The following CPEB1 variants were observed in gnomAD, a reference collection of about 807,000 sequenced individuals.
CPEB1 encodes cytoplasmic polyadenylation element binding protein 1.
Under a neutral mutation model 65.8 loss-of-function variants are expected in CPEB1, and 7 were observed. The observed-to-expected ratio is 0.11, with a 90% confidence interval of 0.06 to 0.20. The LOEUF is 0.20. CPEB1 is among the 10% of genes least tolerant of loss of function. CPEB1 has a pLI of 1.00. For synonymous variants in CPEB1, 262 were observed against 260.0 expected (o/e 1.01, Z -0.08); for missense variants, 551 against 712.2 (o/e 0.77, Z 2.58).
intron 3 of CPEB1, among the ~76,000 whole-genome samples, chr15:82,602,169 C>T (rs2151197619): frequency 1.3e-5 from 2 of 152,144 alleles, no homozygotes; most frequent in South Asian, 4.2e-4. Flanking sequence ...GTTCTATGAC[C>T]ATAGTGGAAT....
chr15:82,639,504 C>G (rs1327843520), intron 1 of CPEB1, among the ~76,000 whole-genome samples: 2 of 151,564 alleles, frequency 1.3e-5, no homozygotes, highest in Non-Finnish European at 1.5e-5. Flanking sequence ...TTTTTCCCCA[C>G]TTAACTTAGT....
intron 3 of CPEB1, chr15:82,573,224 T>C: frequency 1.4e-6 from 2 of 1,425,604 alleles, no homozygotes; most frequent in Non-Finnish European, 1.8e-6. Context: ...TCAGTCTCCT[T>C]CCTTTGGAGA....
At chr15:82,648,486 G>A (rs2047755242), upstream of CPEB1, 1 of 152,330 alleles carries the variant, frequency 6.6e-6, no homozygotes. Context: ...CGAGAGTCAG[G>A]AAGTTCCAGA....
At chr15:82,646,791 T>C (rs2047585021) in intron 1 of CPEB1, among the ~76,000 whole-genome samples, 1 of 152,096 alleles carries the variant, frequency 6.6e-6, no homozygotes, top group Non-Finnish European at 1.5e-5. Flanking sequence ...CCTCGGGGAA[T>C]GACGCCGGGT....
chr15:82,647,711 G>A (rs587702451), upstream of CPEB1: 114 of 627,130 alleles, frequency 1.8e-4, 2 homozygotes, highest in East Asian at 4.5e-3. Context: ...CCACGCCCGC[G>A]GGCACGTGAC....
rs2034821070 is a variant in CPEB1, at chr15:82,544,512, G to A, written c.*80C>T. On this transcript the variant is annotated 3_prime_UTR_variant, in exon 13 of 13. Coordinates refer to ENST00000684509, the MANE Select transcript of CPEB1 (RefSeq NM_001365242.1). ...TCCTTGGGAAGCCAGCTCCCTGGTC[G>A]CCAGTGGCAGGGTGGTGCAGGCTGC... The A allele has an allele frequency of 4.0e-6, 4 of 1,000,244 alleles. No individual in the cohort carries two copies. The highest frequency in any genetic ancestry group is 2.3e-5 in the Admixed American group (1 of 43,924). 62.0% of individuals were successfully genotyped at this position (1,000,244 alleles called of 1,614,324 possible). A position where few individuals can be genotyped will look rare whatever the true frequency, so the allele number is the denominator to read the frequency against.
In CPEB1 at chr15:82,549,515, T is replaced by G. The variant is rs368407272; in HGVS notation, c.1425A>C (p.Leu475=). 1.9e-6 allele frequency: 3 copies of G among 1,614,158 alleles called. No individual in the cohort carries two copies. The highest frequency in any genetic ancestry group is 1.6e-4 in the Middle Eastern group (1 of 6,062). Residue 475 remains leucine, a synonymous_variant, in exon 10 of 13, where the codon CTA becomes CTC. Coordinates refer to ENST00000684509, the MANE Select transcript of CPEB1 (RefSeq NM_001365242.1). ...AEALAAILND[L]FGGVVYAGID... ...TCCCGGCATACACCACTCCACCAAA[T>G]AGGTCGTTCAAGATGGCTGCCAGGG...
Position 82,647,258 on chromosome 15 carries a change from T to G in CPEB1, c.-219A>C, listed in dbSNP as rs2047648709. 1 of 151,558 alleles carries G rather than the reference T, an allele frequency of 6.6e-6. No individual in the cohort carries two copies. The highest frequency in any genetic ancestry group is 6.6e-5 in the Admixed American group (1 of 15,246). 9.4% of individuals were successfully genotyped at this position (151,558 alleles called of 1,614,324 possible). A position where few individuals can be genotyped will look rare whatever the true frequency, so the allele number is the denominator to read the frequency against. ...CCCTCTCCGGCGCCAAGCGAAGGTG[T>G]GAAGCCACGTGACCTGCCCAGGATT... On this transcript the variant is annotated 5_prime_UTR_variant, in exon 1 of 13. Transcript: ENST00000684509.
intron 3 of CPEB1, among the ~76,000 whole-genome samples, chr15:82,622,919 T>C (rs1954489943): frequency 6.6e-6 from 1 of 152,192 alleles, no homozygotes; most frequent in Admixed American, 6.5e-5. Context: ...CCTCCTTATG[T>C]GATCCTCTTT....
At chr15:82,633,238 ATTCT>A (rs2151346390) in intron 1 of CPEB1, 1 of 152,378 alleles carries the variant, frequency 6.6e-6, no homozygotes, top group South Asian at 2.1e-4. Flanking sequence ...AACAAAAACA[ATTCT>A]TTAATTAAAA....
intron 1 of CPEB1, among the ~76,000 whole-genome samples, chr15:82,632,507 TCACACACA>T (rs141189332): frequency 2.0e-5 from 3 of 150,586 alleles, no homozygotes; most frequent in Non-Finnish European, 3.0e-5. Flanking sequence ...CTGTGTATAT[TCACACACA>T]CACACACACA....
Position 82,553,535 on chromosome 15 carries a change from C to A in CPEB1, c.1076G>T (p.Arg359Leu). The A allele has an allele frequency of 6.2e-7, 1 of 1,613,136 alleles. No individual in the cohort carries two copies. Among genetic ancestry groups the A allele is most frequent in the Non-Finnish European group, 8.5e-7 (1 of 1,179,484 alleles). Reference protein sequence around the residue: ...ITEAGLVNTFRVFGSLSVEWP... With the variant: ...ITEAGLVNTFLVFGSLSVEWP... ...CTCCACACTCAAAGAGCCAAAAACA[C>A]GGAAGGTGTTAACTAATCCAGCTGC... The change falls in exon 8 of 13, where the codon CGT becomes CTT. Residue 359 changes from arginine to leucine, a missense_variant. Physicochemically the swap from Arg to Leu is moderately radical, Grantham distance 102. Transcript: ENST00000684509.
chr15:82,608,512 C>T (rs1369901572), intron 3 of CPEB1, among the ~76,000 whole-genome samples: 1 of 152,088 alleles, frequency 6.6e-6, no homozygotes, highest in African/African-American at 2.4e-5. Flanking sequence ...TGTAGTAGAG[C>T]TAGGGAGGAA....
At chr15:82,553,347 G>C (rs1431876005) in intron 8 of CPEB1, 120 bp downstream of exon 8, 2 of 706,774 alleles carry the variant, frequency 2.8e-6, no homozygotes, top group African/African-American at 3.5e-5. Flanking sequence ...CTGTGCCCTG[G>C]AGTGCCCACC....
chr15:82,613,890 C>T (rs1300862605), intron 3 of CPEB1, among the ~76,000 whole-genome samples: 3 of 151,980 alleles, frequency 2.0e-5, no homozygotes, highest in African/African-American at 7.3e-5. Context: ...CCCCCTGGGA[C>T]AGCCCGGGAG....
At chr15:82,614,633 T>A (rs2044513348) in intron 3 of CPEB1, among the ~76,000 whole-genome samples, 1 of 152,128 alleles carries the variant, frequency 6.6e-6, no homozygotes, top group Non-Finnish European at 1.5e-5. Context: ...GCACCCAGTT[T>A]GAGAGAATGT....
In CPEB1 at chr15:82,635,438, T is replaced by G. The variant is rs74555608; in HGVS notation, c.-97-6882A>C. Among the ~76,000 whole-genome samples, 1,203 of 152,322 alleles carry G rather than the reference T, an allele frequency of 7.9e-3. 18 individuals carry two copies. Among genetic ancestry groups the G allele is most frequent in the African/African-American group, 0.026 (1,100 of 41,578 alleles). On this transcript the variant is annotated intron_variant, in intron 1 of 12. Coordinates refer to ENST00000684509, the MANE Select transcript of CPEB1 (RefSeq NM_001365242.1). ...CTACTTTAATGACTCTATAGTTTGCTGAGAGATGCTTCTCTGTGTTTAAAT... is the reference window on the plus strand; with the variant it reads ...CTACTTTAATGACTCTATAGTTTGCGGAGAGATGCTTCTCTGTGTTTAAAT...
chr15:82,616,826 A>T (rs907526159), intron 3 of CPEB1, among the ~76,000 whole-genome samples: 3 of 152,206 alleles, frequency 2.0e-5, no homozygotes, highest in African/African-American at 7.2e-5. Context: ...CCATTCAGAG[A>T]TAACTATGTT....
chr15:82,619,693 T>C (rs2045113762), intron 3 of CPEB1, among the ~76,000 whole-genome samples: 1 of 152,122 alleles, frequency 6.6e-6, no homozygotes, highest in African/African-American at 2.4e-5. Context: ...GTGCTCAACT[T>C]CATCAGTCAC....
Sources: allele counts gnomAD v4.1 joint callset (sites outside exome capture counted in the v4.1 genomes callset), GRCh38; gene constraint gnomAD v4.1.1; transcripts MANE v1.5; gene names NCBI Gene and HGNC (gene_info 2026-07-23, HGNC 2026-07-21).